The following HEBP1 variants were observed in gnomAD, a reference collection of about 807,000 sequenced individuals.
HEBP1 encodes the protein heme binding protein 1.
HEBP1 carries 13 observed loss-of-function variants against 20.4 expected under a neutral mutation model. That is an observed-to-expected ratio of 0.64 (90% CI 0.42 to 1.01). The LOEUF (loss-of-function observed/expected upper bound fraction) is 1.01, where lower values mean the gene tolerates loss of function less well. HEBP1 is among the 50% of genes least tolerant of loss of function. The pLI is 0.00. For missense variants in HEBP1, 241 were observed against 247.3 expected, an observed-to-expected ratio of 0.97 and a Z score of 0.17; for synonymous variants, 92 against 90.7, an observed-to-expected ratio of 1.01 and a Z score of -0.08.
intron 3 of HEBP1, chr12:12,979,553 C>T (rs1864048101): frequency 6.6e-6 from 1 of 152,252 alleles, no homozygotes; most frequent in African/African-American, 2.4e-5. Flanking sequence ...CGTGCCTCAG[C>T]TTCCAATCTG....
At chr12:12,988,231 T>C (rs1439620650) in intron 2 of HEBP1, among the ~76,000 whole-genome samples, 1 of 152,198 alleles carries the variant, frequency 6.6e-6, no homozygotes, top group Non-Finnish European at 1.5e-5. Context: ...ACATTGATTG[T>C]ATTGAATGGG....
intron 3 of HEBP1, among the ~76,000 whole-genome samples, chr12:12,982,135 C>A (rs1341426054): frequency 6.6e-6 from 1 of 152,190 alleles, no homozygotes; most frequent in African/African-American, 2.4e-5. Context: ...TCAACAGCTT[C>A]TTATTGAACA....
chr12:12,983,922 G>A (rs901743765), intron 3 of HEBP1: 2 of 368,692 alleles, frequency 5.4e-6, no homozygotes, highest in African/African-American at 2.1e-5. Context: ...AGCCATCAAC[G>A]ACTACTGGAG....
In HEBP1 at chr12:13,000,226, G is replaced by GCGGCAGGGCGGCAGGT; in HGVS notation, c.-113_-112insACCTGCCGCCCTGCCG. On this transcript the variant is annotated 5_prime_UTR_variant, in exon 1 of 4. Coordinates refer to ENST00000014930, the MANE Select transcript of HEBP1 (RefSeq NM_015987.5). Reference sequence around the variant, plus strand: ...GGCGGCAGGGCGGCAGGGCGGCAGGGCGGCAGGGTGGCAGGGCGGCAAGGC... The same window carrying GCGGCAGGGCGGCAGGT: ...GGCGGCAGGGCGGCAGGGCGGCAGGGCGGCAGGGCGGCAGGTCGGCAGGGTGGCAGGGCGGCAAGGC... 1 of 397,124 alleles carries GCGGCAGGGCGGCAGGT rather than the reference G, an allele frequency of 2.5e-6. No individual in the cohort carries two copies. Among genetic ancestry groups the GCGGCAGGGCGGCAGGT allele is most frequent in the Non-Finnish European group, 4.5e-6 (1 of 223,270 alleles). The allele number at this position is 397,124 out of a possible 1,614,324, so 24.6% of individuals were successfully genotyped here. A position where few individuals can be genotyped will look rare whatever the true frequency, so the allele number is the denominator to read the frequency against.
chr12:12,993,318 G>C (rs1391473569), intron 1 of HEBP1, among the ~76,000 whole-genome samples: 1 of 151,984 alleles, frequency 6.6e-6, no homozygotes, highest in African/African-American at 2.4e-5. Context: ...GGGACTACAG[G>C]TGTGTGCCAC....
At chr12:12,988,934 C>T (rs554436846) in intron 2 of HEBP1, among the ~76,000 whole-genome samples, 1 of 152,310 alleles carries the variant, frequency 6.6e-6, no homozygotes, top group South Asian at 2.1e-4. Flanking sequence ...GCTCAGCTTA[C>T]TGTGGGCACA....
intron 1 of HEBP1, among the ~76,000 whole-genome samples, chr12:12,990,223 T>C (rs935501355): frequency 6.6e-6 from 1 of 152,054 alleles, no homozygotes; most frequent in African/African-American, 2.4e-5. Context: ...CAGGCTGGTG[T>C]GCAGTGGTAT....
rs184082227 is a variant in HEBP1, at chr12:12,982,821, A to C, written c.398+4331T>G. Among the ~76,000 whole-genome samples, 494 of 152,332 alleles carry C rather than the reference A, an allele frequency of 3.2e-3. 4 individuals are homozygous for C. The highest frequency in any genetic ancestry group is 0.011 in the African/African-American group (476 of 41,562). On this transcript the variant is annotated intron_variant, in intron 3 of 3. Transcript: ENST00000014930. ...CTTTTTTATTGTTAATTCTAATAAA[A>C]CTTGATCAAATTCTCAAAGGGAGGT...
At position 12,987,340 on chromosome 12, in the gene HEBP1, C is replaced by A. The variant is rs1199804367; in HGVS notation, c.218-8G>T. 6.2e-7 allele frequency: 1 copy of A among 1,610,370 alleles called. No individual in the cohort carries two copies. Among genetic ancestry groups the A allele is most frequent in the Non-Finnish European group, 8.5e-7 (1 of 1,177,684 alleles). ...TCATCCCCATCCCAATTCCTGAAAA[C>A]ACAAAAGCACAGAGTGAGGCAGGGA... is the stretch of plus-strand genomic sequence containing the variant. On this transcript the variant is annotated splice_polypyrimidine_tract_variant and splice_region_variant and intron_variant, in intron 2 of 3. Coordinates refer to ENST00000014930, the MANE Select transcript of HEBP1 (RefSeq NM_015987.5).
intron 1 of HEBP1, among the ~76,000 whole-genome samples, chr12:12,995,170 C>A (rs538358653): frequency 1.3e-5 from 2 of 152,310 alleles, no homozygotes; most frequent in East Asian, 3.9e-4. Flanking sequence ...CAGGCTCCAA[C>A]CTAAAAGTTA....
At chr12:12,997,612 C>T (rs988468430) in intron 1 of HEBP1, among the ~76,000 whole-genome samples, 43 of 152,240 alleles carry the variant, frequency 2.8e-4, no homozygotes, top group Middle Eastern at 3.4e-3. Flanking sequence ...ACTGAGCAAA[C>T]GTAGCTGGGC....
At position 12,975,477 on chromosome 12, in the gene HEBP1, T is replaced by TG. The variant is rs1410102241; in HGVS notation, c.400dup (p.Gln134ProfsTer39). 2 of 1,603,604 alleles carry TG rather than the reference T, an allele frequency of 1.2e-6. No homozygotes were observed. Among genetic ancestry groups the TG allele is most frequent in the African/African-American group, 2.7e-5 (2 of 74,088 alleles). On this transcript the variant is annotated frameshift_variant and splice_region_variant, in exon 4 of 4. Coordinates refer to ENST00000014930, the MANE Select transcript of HEBP1 (RefSeq NM_015987.5). LOFTEE classifies it high-confidence loss of function. ...TGCTTCCTTGGCATAACCACCAAAC[T>TG]GCCTGGGGGTTCAAGAGCAAGGGCT... is the stretch of plus-strand genomic sequence containing the variant.
At chr12:12,987,373 C>T in intron 2 of HEBP1, 41 bp from the exon 3 acceptor site, 1 of 1,560,698 alleles carries the variant, frequency 6.4e-7, no homozygotes, top group Non-Finnish European at 8.8e-7. Flanking sequence ...GGATCAGAGA[C>T]AGAGCTTGCT....
intron 1 of HEBP1, among the ~76,000 whole-genome samples, chr12:12,991,618 C>G (rs1002872298): frequency 1.3e-5 from 2 of 152,198 alleles, no homozygotes; most frequent in Non-Finnish European, 2.9e-5. Flanking sequence ...CCTGGACATA[C>G]TGTAAGGCAG....
At chr12:12,983,911 G>T (rs1864117959) in intron 3 of HEBP1, 1 of 375,796 alleles carries the variant, frequency 2.7e-6, no homozygotes, top group Non-Finnish European at 5.3e-6. Context: ...GCAAGCCAGG[G>T]AGCCATCAAC....
Position 12,987,244 on chromosome 12 carries a change from G to A in HEBP1, c.306C>T (p.Phe102=). The change falls in exon 3 of 4, where the codon TTC becomes TTT. Residue 102 remains phenylalanine, a synonymous_variant. Coordinates refer to ENST00000014930, the MANE Select transcript of HEBP1 (RefSeq NM_015987.5). The part of the protein sequence containing the change: ...GSLQKKLKVW[F]RIPNQFQSDP... ...CGCTTTGAAATTGGTTTGGAATCCG[G>A]AACCAGACTTTTAATTTCTTCTGCA... is the stretch of plus-strand genomic sequence containing the variant. 3 of 1,614,084 alleles carry A rather than the reference G, an allele frequency of 1.9e-6. No homozygotes were observed. Among genetic ancestry groups the A allele is most frequent in the Non-Finnish European group, 1.7e-6 (2 of 1,179,996 alleles).
At chr12:12,982,966 C>A (rs757025416) in intron 3 of HEBP1, among the ~76,000 whole-genome samples, 3 of 152,122 alleles carry the variant, frequency 2.0e-5, no homozygotes, top group Non-Finnish European at 2.9e-5. Flanking sequence ...AAGCTAGGTA[C>A]TCATGCCCAT....
At chr12:12,983,367 G>T in intron 3 of HEBP1, 1 of 207,918 alleles carries the variant, frequency 4.8e-6, no homozygotes, top group Non-Finnish European at 1.0e-5. Context: ...TAAAAGCACC[G>T]GTAATTAACG....
intron 2 of HEBP1, among the ~76,000 whole-genome samples, chr12:12,988,996 A>C (rs1383368339): frequency 6.6e-6 from 1 of 152,220 alleles, no homozygotes; most frequent in African/African-American, 2.4e-5. Flanking sequence ...AGGGTTAAAA[A>C]AAAAATAGAG....
Sources: allele counts gnomAD v4.1 joint callset (sites outside exome capture counted in the v4.1 genomes callset), GRCh38; gene constraint gnomAD v4.1.1; transcripts MANE v1.5; gene names NCBI Gene and HGNC (gene_info 2026-07-23, HGNC 2026-07-21).